Variants in ATF7 observed in about 807,000 individuals in gnomAD.
ATF7 encodes the protein activating transcription factor 7, also known as cyclic AMP-dependent transcription factor ATF-7.
A neutral mutation model predicts 50.4 loss-of-function variants in ATF7; 10 were observed. That is an observed-to-expected ratio of 0.20 (90% CI 0.12 to 0.34). The LOEUF is 0.34. Among genes scored for constraint, ATF7 ranks in the 10% least tolerant of loss-of-function variants. ATF7 has a pLI of 1.00. For synonymous variants in ATF7, 201 were observed against 226.4 expected (o/e 0.89, Z 1.01); for missense variants, 465 against 613.9 (o/e 0.76, Z 2.56).
At chr12:53,531,460 G>A (rs1014536110) in intron 9 of ATF7, among the ~76,000 whole-genome samples, 3 of 149,394 alleles carry the variant, frequency 2.0e-5, no homozygotes, top group Non-Finnish European at 4.4e-5. Flanking sequence ...TGCTGCAACA[G>A]TTCTGCATTA....
chr12:53,593,939 A>G (rs543007576), intron 2 of ATF7, among the ~76,000 whole-genome samples: 1 of 152,362 alleles, frequency 6.6e-6, no homozygotes, highest in Admixed American at 6.5e-5. Context: ...GCGACTGCTG[A>G]GCAAGTCAAT....
At chr12:53,527,936 G>C (rs1938576560) in intron 9 of ATF7, among the ~76,000 whole-genome samples, 1 of 151,908 alleles carries the variant, frequency 6.6e-6, no homozygotes, top group Non-Finnish European at 1.5e-5. Flanking sequence ...CCACCTCCCA[G>C]GTTCAAGCAA....
In ATF7 at chr12:53,524,954, A is replaced by G; in HGVS notation, c.928-193T>C. On this transcript the variant is annotated intron_variant, in intron 9 of 11. Transcript: ENST00000420353. The surrounding 1 kb of genome is among the most constrained non-coding windows in gnomAD (Gnocchi z 4.6). ...TCAATTTTGCCTCCTATTTCCTTCC[A>G]GTCTTCTCAGTCTCATACTTAGACA... is the stretch of plus-strand genomic sequence containing the variant. 1.8e-6 allele frequency: 1 copy of G among 552,372 alleles called. No individual in the cohort carries two copies. The highest frequency in any genetic ancestry group is 3.2e-6 in the Non-Finnish European group (1 of 317,454). 34.2% of individuals were successfully genotyped at this position (552,372 alleles called of 1,614,324 possible). A position where few individuals can be genotyped will look rare whatever the true frequency, so the allele number is the denominator to read the frequency against.
intron 2 of ATF7, among the ~76,000 whole-genome samples, chr12:53,553,253 C>A (rs994233887): frequency 6.6e-6 from 1 of 152,210 alleles, no homozygotes; most frequent in East Asian, 1.9e-4. Flanking sequence ...ATGGCACATA[C>A]CAGCCCCATC....
chr12:53,532,642 A>G lies in ATF7; in HGVS notation c.661-19T>C. On this transcript the variant is annotated intron_variant, in intron 7 of 11. Transcript: ENST00000420353. ...TGGCCAGCTGGATCGAGAGAAGGAA[A>G]AAAAAAAAAAGAGAAGGGAACATAA... 6.8e-7 allele frequency: 1 copy of G among 1,469,170 alleles called. No individual in the cohort carries two copies. Among genetic ancestry groups the G allele is most frequent in the East Asian group, 2.5e-5 (1 of 40,652 alleles). 91.0% of individuals were successfully genotyped at this position (1,469,170 alleles called of 1,614,324 possible).
At position 53,512,744 on chromosome 12, in the gene ATF7, A is replaced by G. The variant is rs1449253845; in HGVS notation, c.*4393T>C. The G allele has an allele frequency of 6.6e-6, 1 of 152,218 alleles. No individual in the cohort carries two copies. Among genetic ancestry groups the G allele is most frequent in the East Asian group, 1.9e-4 (1 of 5,204 alleles). The allele number at this position is 152,218 out of a possible 1,614,324, so 9.4% of individuals were successfully genotyped here. ...TGAGATCAGTGATATGATGGGGAAG[A>G]CTTTAAAGGGAATGGAGGAAGAGAC... On this transcript the variant is annotated 3_prime_UTR_variant, in exon 12 of 12. Transcript: ENST00000420353.
chr12:53,577,560 G>GA (rs1031509033), intron 2 of ATF7, among the ~76,000 whole-genome samples: 1 of 151,522 alleles, frequency 6.6e-6, no homozygotes, highest in African/African-American at 2.4e-5. Flanking sequence ...ACTAAAAATA[G>GA]AAAAAATTAG....
intron 9 of ATF7, among the ~76,000 whole-genome samples, chr12:53,526,520 CTA>C (rs774914550): frequency 1.3e-5 from 2 of 152,256 alleles, no homozygotes; most frequent in East Asian, 1.9e-4. Context: ...TAAAACAACT[CTA>C]TGTTATTAGG....
chr12:53,598,986 G>T (rs1943274588), intron 2 of ATF7, among the ~76,000 whole-genome samples: 1 of 152,146 alleles, frequency 6.6e-6, no homozygotes, highest in South Asian at 2.1e-4. Context: ...AAGCATCATA[G>T]TAAATAGTAT....
At chr12:53,547,379 G>A (rs1382053167) in intron 3 of ATF7, among the ~76,000 whole-genome samples, 4 of 141,340 alleles carry the variant, frequency 2.8e-5, no homozygotes, top group South Asian at 2.4e-4. Flanking sequence ...TCCGCCTCCC[G>A]GGTTCAAGTG....
Position 53,532,606 on chromosome 12 carries a change from G to A in ATF7, c.678C>T (p.Ser226=). ...PSVISLARPV[S]MVPNIPGIPG... is the part of the protein sequence containing the mutation. ...GGATACCAGGAATGTTGGGCACCAT[G>A]GACACAGGTCTGGCCAGCTGGATCG... Residue 226 remains serine, a synonymous_variant, in exon 8 of 12, where the codon TCC becomes TCT. Coordinates refer to ENST00000420353, the MANE Select transcript of ATF7 (RefSeq NM_006856.3). 6.2e-7 allele frequency: 1 copy of A among 1,606,392 alleles called. No homozygotes were observed. The highest frequency in any genetic ancestry group is 8.5e-7 in the Non-Finnish European group (1 of 1,176,704).
At chr12:53,530,808 C>T (rs1938822862) in intron 9 of ATF7, among the ~76,000 whole-genome samples, 1 of 151,962 alleles carries the variant, frequency 6.6e-6, no homozygotes, top group South Asian at 2.1e-4. Flanking sequence ...AGGGTTTTGC[C>T]ATGTTGGCCA....
intron 2 of ATF7, among the ~76,000 whole-genome samples, chr12:53,567,001 C>T (rs1240433047): frequency 6.6e-6 from 1 of 152,226 alleles, no homozygotes; most frequent in Non-Finnish European, 1.5e-5. Context: ...ATCCGCCCGC[C>T]TCTGCCTCCC....
chr12:53,562,146 T>C (rs1486441295), intron 2 of ATF7, among the ~76,000 whole-genome samples: 1 of 152,224 alleles, frequency 6.6e-6, no homozygotes, highest in Non-Finnish European at 1.5e-5. Flanking sequence ...GAGATATTAT[T>C]TGATAGTTGG....
At chr12:53,621,062 C>T (rs1326153360) in intron 1 of ATF7, among the ~76,000 whole-genome samples, 1 of 152,174 alleles carries the variant, frequency 6.6e-6, no homozygotes, top group Non-Finnish European at 1.5e-5. Context: ...ATAAGATACC[C>T]AAACAGCAAC....
intron 7 of ATF7, 65 bp downstream of exon 7, chr12:53,533,095 C>A: frequency 7.2e-7 from 1 of 1,397,952 alleles, no homozygotes; most frequent in Non-Finnish European, 1.0e-6. Flanking sequence ...TATTTTATGA[C>A]CATTCAGGTG....
At chr12:53,576,461 C>G (rs939114860) in intron 2 of ATF7, among the ~76,000 whole-genome samples, 5 of 152,134 alleles carry the variant, frequency 3.3e-5, no homozygotes, top group Admixed American at 6.6e-5. Flanking sequence ...GAGGATGGAG[C>G]CTTCATGAAT....
At chr12:53,543,515 G>A in intron 3 of ATF7, 67 bp from the exon 4 acceptor site, 8 of 1,419,120 alleles carry the variant, frequency 5.6e-6, no homozygotes, top group Non-Finnish European at 7.6e-6. Context: ...ATATTAAATA[G>A]TATATAGAGA....
intron 2 of ATF7, among the ~76,000 whole-genome samples, chr12:53,585,939 G>T (rs1416225971): frequency 2.0e-5 from 3 of 152,142 alleles, no homozygotes; most frequent in African/African-American, 7.2e-5. Context: ...AGCCAACAAG[G>T]TACAGTATGT....
Sources: gnomAD v4.1 joint callset for allele counts (sites outside exome capture counted in the v4.1 genomes callset) on GRCh38, gnomAD v4.1.1 for gene constraint, Gnocchi (gnomAD v3.1) non-coding constraint, MANE v1.5 for transcripts, NCBI Gene and HGNC (gene_info 2026-07-23, HGNC 2026-07-21) for gene names.